Variants in ACTR5 observed in about 807,000 individuals in gnomAD.
ACTR5 encodes actin related protein 5, also known as actin-related protein 5.
A neutral mutation model predicts 61.2 loss-of-function variants in ACTR5; 43 were observed. That is an observed-to-expected ratio of 0.70 (90% CI 0.55 to 0.91). The LOEUF is 0.91. Ranked by LOEUF, ACTR5 falls within the 40% of genes least tolerant of loss-of-function variation. The probability of loss-of-function intolerance (pLI) is 0.00; values close to 1 mark genes in which losing one functional copy is unlikely to be tolerated. For missense variants in ACTR5, 798 were observed against 782.2 expected (o/e 1.02, Z -0.24); for synonymous variants, 333 against 310.5 (o/e 1.07, Z -0.76).
chr20:38,757,811 G>A (rs927880816), intron 5 of ACTR5, among the ~76,000 whole-genome samples: 1 of 148,938 alleles, frequency 6.7e-6, no homozygotes, highest in Non-Finnish European at 1.5e-5. Flanking sequence ...ACACCTTATT[G>A]GATCACCAAG....
chr20:38,770,630 G>T (rs2084514286), intron 8 of ACTR5, among the ~76,000 whole-genome samples: 1 of 152,106 alleles, frequency 6.6e-6, no homozygotes, highest in Non-Finnish European at 1.5e-5. Flanking sequence ...TGACAGCTAT[G>T]CTTTATTGAA....
chr20:38,760,006 ATTT>A (rs967406483), intron 5 of ACTR5, among the ~76,000 whole-genome samples: 1 of 151,334 alleles, frequency 6.6e-6, no homozygotes, highest in African/African-American at 2.4e-5. Context: ...TCTAAAAAAA[ATTT>A]TTTTAATTAG....
intron 7 of ACTR5, 106 bp downstream of exon 7, chr20:38,766,483 CTCT>C (rs2084487672): frequency 1.5e-6 from 2 of 1,350,554 alleles, no homozygotes; most frequent in Non-Finnish European, 2.0e-6. Flanking sequence ...GCATCTCACT[CTCT>C]TCTTTTCATT....
intron 3 of ACTR5, among the ~76,000 whole-genome samples, chr20:38,754,588 A>G (rs111991455): frequency 0.42 from 63,646 of 151,174 alleles, 13,331 homozygotes; most frequent in Middle Eastern, 0.49. Context: ...GCATGGTGGC[A>G]GGCGTCTGTA....
intron 6 of ACTR5, among the ~76,000 whole-genome samples, 166 bp downstream of exon 6, chr20:38,765,684 C>T (rs958602128): frequency 3.9e-5 from 6 of 152,158 alleles, no homozygotes; most frequent in Admixed American, 6.5e-5. Flanking sequence ...GGTGATTGAT[C>T]GATTGGTTCT....
intron 1 of ACTR5, among the ~76,000 whole-genome samples, chr20:38,749,103 TACTC>T (rs1378179959): frequency 6.6e-6 from 1 of 152,258 alleles, no homozygotes; most frequent in African/African-American, 2.4e-5. Flanking sequence ...ATTGAGCACT[TACTC>T]TGTGTCAGGC....
At chr20:38,758,699 A>C (rs927143386) in intron 5 of ACTR5, among the ~76,000 whole-genome samples, 2 of 152,088 alleles carry the variant, frequency 1.3e-5, no homozygotes, top group African/African-American at 4.8e-5. Flanking sequence ...GTTAGTCAGC[A>C]TTCAGCATTT....
chr20:38,755,314 A>G (rs1254332500), intron 4 of ACTR5, 140 bp downstream of exon 4: 2 of 840,954 alleles, frequency 2.4e-6, no homozygotes, highest in Non-Finnish European at 1.8e-6. Flanking sequence ...CAGGGGGATC[A>G]TCAGCATAGA....
In ACTR5 at chr20:38,766,361, C is replaced by T. The variant is rs1243358439; in HGVS notation, c.1417C>T (p.Gln473Ter). 3 of 1,608,106 alleles carry T rather than the reference C, an allele frequency of 1.9e-6. No homozygotes were observed. The highest frequency in any genetic ancestry group is 2.2e-5 in the South Asian group (2 of 89,402). The change falls in exon 7 of 9, where the codon CAG becomes TAG. Residue 473 changes from glutamine (Q) to a stop codon, truncating the protein, a stop_gained. Coordinates refer to ENST00000243903, the MANE Select transcript of ACTR5 (RefSeq NM_024855.4). LOFTEE classifies it high-confidence loss of function. ...ACAGGCTGGGATTGCAGAGACTCTTCAGTACATTCTGGACAGGTGAGACAG... is the reference window on the plus strand; with the variant it reads ...ACAGGCTGGGATTGCAGAGACTCTTTAGTACATTCTGGACAGGTGAGACAG... ...EEQAGIAETL[Q>*]YILDRYPKDI...
At chr20:38,767,054 C>T (rs777965748) in intron 7 of ACTR5, among the ~76,000 whole-genome samples, 5 of 151,984 alleles carry the variant, frequency 3.3e-5, no homozygotes, top group African/African-American at 9.7e-5. Context: ...AAGCACAGGT[C>T]GATAGATGGG....
intron 5 of ACTR5, chr20:38,761,446 AG>A (rs2084453868): frequency 1.3e-5 from 2 of 152,248 alleles, no homozygotes; most frequent in Non-Finnish European, 2.9e-5. Context: ...TTGATGGGAG[AG>A]TTAAAAGCTT....
At position 38,755,193 on chromosome 20, in the gene ACTR5, A is replaced by G. The variant is rs894135672; in HGVS notation, c.993+19A>G. On this transcript the variant is annotated intron_variant, in intron 4 of 8. Transcript: ENST00000243903. The stretch of plus-strand genomic sequence containing the variant: ...TGTGCAGGTAATAGCAGACACAGGG[A>G]CGGGCGCCCTTCCGTGTTAACAAGA... 2.5e-6 allele frequency: 4 copies of G among 1,569,434 alleles called. No individual in the cohort carries two copies. Among genetic ancestry groups the G allele is most frequent in the Non-Finnish European group, 3.5e-6 (4 of 1,157,880 alleles).
At chr20:38,767,417 C>G (rs773803985) in intron 7 of ACTR5, 47 bp from the exon 8 acceptor site, 5 of 1,510,946 alleles carry the variant, frequency 3.3e-6, no homozygotes, top group Non-Finnish European at 1.8e-6. Context: ...ACATTTCGTT[C>G]TGATATTTGA....
Position 38,752,135 on chromosome 20 carries a change from G to T in ACTR5, c.610G>T (p.Asp204Tyr). 6.2e-7 allele frequency: 1 copy of T among 1,612,916 alleles called. No homozygotes were observed. The highest frequency in any genetic ancestry group is 8.5e-7 in the Non-Finnish European group (1 of 1,179,234). Residue 204 changes from aspartate (D) to tyrosine (Y), a missense_variant, in exon 3 of 9, where the codon GAT (aspartate) becomes TAT (tyrosine). By Grantham distance (160) the Asp-to-Tyr change is radical. Coordinates refer to ENST00000243903, the MANE Select transcript of ACTR5 (RefSeq NM_024855.4). ...HVLPILEGRL[D>Y]AKNCKRINLG... ...TTTTCTACTGCTTGGTTATAGATTAGATGCTAAAAACTGCAAGCGCATCAA... is the reference window on the plus strand; with the variant it reads ...TTTTCTACTGCTTGGTTATAGATTATATGCTAAAAACTGCAAGCGCATCAA...
chr20:38,765,507 A>G lies in ACTR5; in HGVS notation c.1282A>G (p.Thr428Ala). The change falls in exon 6 of 9, where the codon ACC becomes GCC. Residue 428 changes from threonine to alanine, a missense_variant. Transcript: ENST00000243903. ...EETPGVEKPV[T>A]TVQPVFNLAA... ...AACACCTGGAGTGGAGAAGCCGGTC[A>G]CCACTGTTCAGGTTTGACTTCTACA... The G allele has an allele frequency of 6.2e-7, 1 of 1,613,720 alleles. No individual in the cohort carries two copies. The highest frequency in any genetic ancestry group is 8.5e-7 in the Non-Finnish European group (1 of 1,179,570).
intron 8 of ACTR5, among the ~76,000 whole-genome samples, chr20:38,770,397 C>T (rs1035042642): frequency 6.6e-6 from 1 of 152,208 alleles, no homozygotes; most frequent in African/African-American, 2.4e-5. Context: ...TAGTTTCAGC[C>T]TCTGCGAGCA....
At chr20:38,765,641 T>G in intron 6 of ACTR5, 123 bp downstream of exon 6, 2 of 757,998 alleles carry the variant, frequency 2.6e-6, no homozygotes, top group Non-Finnish European at 4.4e-6. Context: ...TACCAATACT[T>G]AAAACATCTG....
chr20:38,770,380 A>G (rs1342778527), intron 8 of ACTR5, among the ~76,000 whole-genome samples: 1 of 152,244 alleles, frequency 6.6e-6, no homozygotes. Context: ...GAAAACCAAG[A>G]AAACTGTAGT....
Position 38,748,560 on chromosome 20 carries a change from C to A in ACTR5, c.82C>A (p.Pro28Thr), listed in dbSNP as rs917850545. Residue 28 changes from proline to threonine, a missense_variant, in exon 1 of 9, where the codon CCA (proline) becomes ACA (threonine). Coordinates refer to ENST00000243903, the MANE Select transcript of ACTR5 (RefSeq NM_024855.4). Reference sequence around the variant, plus strand: ...GGAGGCCGGCCCGGTGGCACACGGGCCACTGCCGGTACCGCTGGTGCTGGA... The same window carrying A: ...GGAGGCCGGCCCGGTGGCACACGGGACACTGCCGGTACCGCTGGTGCTGGA... ...VLEAGPVAHGPLPVPLVLDNG... is the reference protein window; with the variant it reads ...VLEAGPVAHGTLPVPLVLDNG... 1 of 1,517,704 alleles carries A rather than the reference C, an allele frequency of 6.6e-7. No individual in the cohort carries two copies. The highest frequency in any genetic ancestry group is 8.8e-7 in the Non-Finnish European group (1 of 1,136,226). 94.0% of individuals were successfully genotyped at this position (1,517,704 alleles called of 1,614,324 possible). A position where few individuals can be genotyped will look rare whatever the true frequency, so the allele number is the denominator to read the frequency against.
Sources: gnomAD v4.1 joint callset for allele counts (sites outside exome capture counted in the v4.1 genomes callset) on GRCh38, gnomAD v4.1.1 for gene constraint, MANE v1.5 for transcripts, NCBI Gene and HGNC (gene_info 2026-07-23, HGNC 2026-07-21) for gene names.